Variants in PALMD observed in about 807,000 individuals in gnomAD.
PALMD encodes paralemmin-like protein.
A neutral mutation model predicts 56.2 loss-of-function variants in PALMD; 42 were observed. That is an observed-to-expected ratio of 0.75 (90% CI 0.58 to 0.97). PALMD has a LOEUF of 0.97. PALMD is among the 50% of genes least tolerant of loss of function. PALMD has a pLI of 0.00. For synonymous variants in PALMD, 242 were observed against 222.9 expected (o/e 1.09, Z -0.76); for missense variants, 660 against 643.8 (o/e 1.03, Z -0.27).
chr1:99,673,077 T>G (rs1265156520), intron 3 of PALMD, among the ~76,000 whole-genome samples: 1 of 152,040 alleles, frequency 6.6e-6, no homozygotes, highest in Non-Finnish European at 1.5e-5. Flanking sequence ...TAAGGAAAAT[T>G]CCTCCACAAA....
At chr1:99,682,072 GCTTT>G (rs1653359346) in intron 3 of PALMD, among the ~76,000 whole-genome samples, 1 of 152,130 alleles carries the variant, frequency 6.6e-6, no homozygotes, top group Non-Finnish European at 1.5e-5. Flanking sequence ...TCTCAGTTAT[GCTTT>G]CTAAGTCTCT....
In PALMD at chr1:99,687,135, A is replaced by G; in HGVS notation, c.460A>G (p.Arg154Gly). ...CCTTCCAAAGTCCTACATACCTTCT[A>G]GGTTAAGGAAGGAGATAAATGAAGA... ...PDLPKSYIPS[R>G]LRKEINEEKE... Residue 154 changes from arginine to glycine, a missense_variant, in exon 6 of 8, where the codon AGG becomes GGG. Transcript: ENST00000263174. The G allele has an allele frequency of 1.2e-6, 2 of 1,601,790 alleles. No individual in the cohort carries two copies.
chr1:99,676,387 G>T (rs76027020), intron 3 of PALMD, among the ~76,000 whole-genome samples: 1 of 151,798 alleles, frequency 6.6e-6, no homozygotes, highest in Non-Finnish European at 1.5e-5. Context: ...TTTTTGATAC[G>T]CACTTTTTAA....
intron 3 of PALMD, among the ~76,000 whole-genome samples, chr1:99,681,105 A>ATG (rs56957907): frequency 0.017 from 2,537 of 148,808 alleles, 53 homozygotes; most frequent in South Asian, 0.11. Flanking sequence ...GTGTGTATAT[A>ATG]TGTGTGTGTG....
Position 99,694,084 on chromosome 1 carries a change from C to T in PALMD, c.*22C>T. The T allele has an allele frequency of 6.6e-7, 1 of 1,522,792 alleles. No homozygotes were observed. The highest frequency in any genetic ancestry group is 2.3e-5 in the East Asian group (1 of 44,260). The allele number at this position is 1,522,792 out of a possible 1,614,324, so 94.3% of individuals were successfully genotyped here. On this transcript the variant is annotated 3_prime_UTR_variant, in exon 8 of 8. Transcript: ENST00000263174. ...CTAAGAGTTGTACCACCTATATAAA[C>T]ATCCTTTGAAGAAGAAACTAAGAAG...
intron 2 of PALMD, among the ~76,000 whole-genome samples, chr1:99,665,480 C>T (rs1210908805): frequency 6.6e-6 from 1 of 152,070 alleles, no homozygotes; most frequent in Non-Finnish European, 1.5e-5. Flanking sequence ...AAAGAGTTCT[C>T]CACGAGGCAT....
rs112289331 is a variant in PALMD, at chr1:99,667,435, G to A, written c.127-207G>A. The stretch of plus-strand genomic sequence containing the variant: ...CAAACTAAACCTTGAAGTATAAATG[G>A]GATTTAGATGCATAAAACCTGGCTT... On this transcript the variant is annotated intron_variant, in intron 2 of 7. Coordinates refer to ENST00000263174, the MANE Select transcript of PALMD (RefSeq NM_017734.5). 2.6e-3 allele frequency: 1,408 copies of A among 533,880 alleles called. 2 individuals carry two copies. The highest frequency in any genetic ancestry group is 3.9e-3 in the Non-Finnish European group (1,158 of 294,392). The allele number at this position is 533,880 out of a possible 1,614,324, so 33.1% of individuals were successfully genotyped here. A position where few individuals can be genotyped will look rare whatever the true frequency, so the allele number is the denominator to read the frequency against.
At chr1:99,666,978 TC>T (rs1652977710) in intron 2 of PALMD, among the ~76,000 whole-genome samples, 1 of 152,164 alleles carries the variant, frequency 6.6e-6, no homozygotes, top group Admixed American at 6.6e-5. Context: ...TTTAGACAGA[TC>T]AGTAAATTTT....
rs548233195 is a variant in PALMD, at chr1:99,690,137, G to A, written c.1612+265G>A. ...TAACTTGAATTTCATCTTCTATCAT[G>A]GTATGGTGCTGCTTGTGAGTGTATT... On this transcript the variant is annotated intron_variant, in intron 7 of 7. Coordinates refer to ENST00000263174, the MANE Select transcript of PALMD (RefSeq NM_017734.5). The A allele has an allele frequency of 1.5e-5, 7 of 457,102 alleles. No homozygotes were observed. The South Asian group carries it at 3.9e-4, about 25-fold the overall frequency. The allele number at this position is 457,102 out of a possible 1,614,324, so 28.3% of individuals were successfully genotyped here. A position where few individuals can be genotyped will look rare whatever the true frequency, so the allele number is the denominator to read the frequency against.
intron 1 of PALMD, among the ~76,000 whole-genome samples, chr1:99,650,816 G>C (rs1652565960): frequency 6.6e-6 from 1 of 152,150 alleles, no homozygotes; most frequent in Non-Finnish European, 1.5e-5. Flanking sequence ...TTCCAGACTG[G>C]CCATACATAT....
chr1:99,675,705 T>G (rs529252544), intron 3 of PALMD, among the ~76,000 whole-genome samples: 17 of 152,326 alleles, frequency 1.1e-4, no homozygotes, highest in Admixed American at 1.3e-4. Flanking sequence ...GAAAATGACA[T>G]TTGTTTAATA....
intron 1 of PALMD, among the ~76,000 whole-genome samples, chr1:99,660,018 G>A (rs1174897163): frequency 6.6e-6 from 1 of 152,190 alleles, no homozygotes; most frequent in African/African-American, 2.4e-5. Flanking sequence ...AACTGGCAAT[G>A]AGCAGGGGTG....
chr1:99,683,108 A>G (rs1328653380), intron 3 of PALMD, among the ~76,000 whole-genome samples: 91 of 103,520 alleles, frequency 8.8e-4, no homozygotes, highest in East Asian at 3.3e-3. Flanking sequence ...GAAAGAAAGA[A>G]AGAAAGAAAG....
At chr1:99,670,489 G>A (rs1653059886) in intron 3 of PALMD, among the ~76,000 whole-genome samples, 1 of 152,102 alleles carries the variant, frequency 6.6e-6, no homozygotes, top group Admixed American at 6.6e-5. Context: ...GTCAGTAAAG[G>A]GTAGACTTAG....
At chr1:99,682,869 C>T (rs985612709) in intron 3 of PALMD, among the ~76,000 whole-genome samples, 9 of 151,224 alleles carry the variant, frequency 6.0e-5, no homozygotes, top group Non-Finnish European at 1.2e-4. Context: ...AGCCAGGCGT[C>T]GTGGTGCACT....
At position 99,658,546 on chromosome 1, in the gene PALMD, C is replaced by T. The variant is rs962609759; in HGVS notation, c.46-3773C>T. Among the ~76,000 whole-genome samples the T allele has an allele frequency of 1.1e-4, 17 of 151,404 alleles. No homozygotes were observed. In the South Asian group the frequency reaches 1.3e-3, roughly 11 times the overall value. On this transcript the variant is annotated intron_variant, in intron 1 of 7. Transcript: ENST00000263174. ...CAGCACTTTGGGAGGCTGAGGCAGG[C>T]GGATCACGAGGTCAGGAGATCGAGA...
chr1:99,676,673 A>G (rs1653220881), intron 3 of PALMD, among the ~76,000 whole-genome samples: 2 of 152,144 alleles, frequency 1.3e-5, no homozygotes, highest in Non-Finnish European at 2.9e-5. Context: ...TTCACTTAAG[A>G]TAATGATTTT....
intron 3 of PALMD, among the ~76,000 whole-genome samples, chr1:99,681,153 GT>G (rs768810329): frequency 0.016 from 2,359 of 146,336 alleles, 41 homozygotes; most frequent in African/African-American, 0.053. Flanking sequence ...ATATATATAT[GT>G]ATAGAGCCCG....
chr1:99,655,390 A>T (rs1330499212), intron 1 of PALMD, among the ~76,000 whole-genome samples: 1 of 152,134 alleles, frequency 6.6e-6, no homozygotes, highest in Non-Finnish European at 1.5e-5. Context: ...GCAATAAAAA[A>T]TAGTGTGAGT....
Sources: allele counts gnomAD v4.1 joint callset (sites outside exome capture counted in the v4.1 genomes callset), GRCh38; gene constraint gnomAD v4.1.1; transcripts MANE v1.5; gene names NCBI Gene and HGNC (gene_info 2026-07-23, HGNC 2026-07-21).